The following MAGI2 variants were observed in gnomAD, a reference collection of about 807,000 sequenced individuals.
MAGI2 encodes membrane-associated guanylate kinase, WW and PDZ domain-containing protein 2.
A neutral mutation model predicts 133.3 loss-of-function variants in MAGI2; 35 were observed. The observed-to-expected ratio is 0.26, with a 90% confidence interval of 0.20 to 0.35. The LOEUF is 0.35. Ranked by LOEUF, MAGI2 falls within the 10% of genes least tolerant of loss-of-function variation. MAGI2 has a pLI of 1.00. For missense variants in MAGI2, 1,636 were observed against 1,863.4 expected (o/e 0.88, Z 2.25); for synonymous variants, 729 against 710.6 (o/e 1.03, Z -0.41).
At chr7:78,432,247 A>G (rs112163570) in intron 6 of MAGI2, among the ~76,000 whole-genome samples, 7,117 of 151,376 alleles carry the variant, frequency 0.047, 265 homozygotes, top group African/African-American at 0.1. Flanking sequence ...CTTTTTGCCA[A>G]AAACAATTTA....
At chr7:79,153,363 C>T (rs1450385731) in intron 1 of MAGI2, among the ~76,000 whole-genome samples, 1 of 152,126 alleles carries the variant, frequency 6.6e-6, no homozygotes, top group South Asian at 2.1e-4. Flanking sequence ...ATGGAGCGCA[C>T]AGTTAATCTA....
At chr7:78,815,012 G>C in intron 2 of MAGI2, among the ~76,000 whole-genome samples, 1 of 152,154 alleles carries the variant, frequency 6.6e-6, no homozygotes, top group East Asian at 1.9e-4. Context: ...ACAGGTGAGA[G>C]CCACCACACC....
chr7:78,521,138 A>T (rs561438928), intron 4 of MAGI2, among the ~76,000 whole-genome samples: 2 of 152,184 alleles, frequency 1.3e-5, no homozygotes, highest in East Asian at 3.9e-4. Context: ...TGCTACTAAT[A>T]TTATATAATT....
At chr7:79,392,285 T>A (rs1844713170) in intron 1 of MAGI2, among the ~76,000 whole-genome samples, 1 of 152,208 alleles carries the variant, frequency 6.6e-6, no homozygotes, top group African/African-American at 2.4e-5. Flanking sequence ...TGCTTCCATG[T>A]CTTTGCTATT....
chr7:79,075,623 C>CTA (rs1408447260), intron 1 of MAGI2, among the ~76,000 whole-genome samples: 2 of 151,900 alleles, frequency 1.3e-5, no homozygotes, highest in African/African-American at 2.4e-5. Context: ...ATTAGCCATG[C>CTA]ATGGTGGTGT....
chr7:78,284,153 A>G (rs2151020606), intron 9 of MAGI2, among the ~76,000 whole-genome samples: 1 of 152,266 alleles, frequency 6.6e-6, no homozygotes, highest in South Asian at 2.1e-4. Context: ...GTGTGACACC[A>G]CTTACCTACA....
chr7:78,573,373 T>A (rs1484542222), intron 3 of MAGI2, among the ~76,000 whole-genome samples: 1 of 13,098 alleles, frequency 7.6e-5, no homozygotes, highest in African/African-American at 2.1e-4. Context: ...GAAATATATA[T>A]ATATATATAT....
intron 4 of MAGI2, among the ~76,000 whole-genome samples, chr7:78,509,132 AT>A (rs11356651): frequency 0.089 from 13,295 of 149,198 alleles, 663 homozygotes; most frequent in East Asian, 0.21. Context: ...CAGAACAAGA[AT>A]TTTTTTTTTT....
At chr7:79,127,696 T>C (rs9801593) in intron 1 of MAGI2, among the ~76,000 whole-genome samples, 98,157 of 152,026 alleles carry the variant, frequency 0.65, 35,441 homozygotes, top group Non-Finnish European at 0.82. Context: ...ATTCTGGTTA[T>C]TAGCCCTTTG....
chr7:79,114,141 GCTGAGACTT>G (rs1241266330), intron 1 of MAGI2, among the ~76,000 whole-genome samples: 3 of 152,104 alleles, frequency 2.0e-5, no homozygotes, highest in African/African-American at 7.2e-5. Flanking sequence ...AATCAAGCCT[GCTGAGACTT>G]CTCCAGGTTA....
At chr7:79,097,372 A>AT (rs1417286918) in intron 1 of MAGI2, among the ~76,000 whole-genome samples, 2 of 152,266 alleles carry the variant, frequency 1.3e-5, no homozygotes, top group East Asian at 1.9e-4. Flanking sequence ...TTACTGTGCC[A>AT]TTTTTTGCTG....
At chr7:78,798,009 GTTTTATTA>G (rs369970533) in intron 2 of MAGI2, among the ~76,000 whole-genome samples, 5 of 152,204 alleles carry the variant, frequency 3.3e-5, no homozygotes, top group African/African-American at 1.2e-4. Flanking sequence ...CAAAGTGCTT[GTTTTATTA>G]TTTCTGTTCA....
intron 1 of MAGI2, among the ~76,000 whole-genome samples, chr7:79,322,247 G>T (rs1254674206): frequency 6.6e-6 from 1 of 152,116 alleles, no homozygotes; most frequent in African/African-American, 2.4e-5. Flanking sequence ...GAGATTACAA[G>T]AATCACATAA....
At chr7:78,516,348 T>TTTG (rs892267306) in intron 4 of MAGI2, among the ~76,000 whole-genome samples, 1 of 151,916 alleles carries the variant, frequency 6.6e-6, no homozygotes, top group Non-Finnish European at 1.5e-5. Context: ...ATGACCTGTT[T>TTTG]TTGTTGTTGT....
At chr7:79,235,123 G>T (rs566412899) in intron 1 of MAGI2, among the ~76,000 whole-genome samples, 37 of 151,972 alleles carry the variant, frequency 2.4e-4, no homozygotes, top group Non-Finnish European at 2.9e-4. Flanking sequence ...AGGGGTCAGG[G>T]ACCCACTTGA....
chr7:78,380,616 G>C (rs1001493388), intron 6 of MAGI2, among the ~76,000 whole-genome samples: 1 of 152,060 alleles, frequency 6.6e-6, no homozygotes, highest in African/African-American at 2.4e-5. Context: ...GCAGAGGAAG[G>C]GGGGATAGTT....
At chr7:79,280,363 T>A (rs1490603087) in intron 1 of MAGI2, among the ~76,000 whole-genome samples, 1 of 151,912 alleles carries the variant, frequency 6.6e-6, no homozygotes, top group Non-Finnish European at 1.5e-5. Flanking sequence ...AACCAGGTGG[T>A]AGGGTTGATA....
intron 2 of MAGI2, among the ~76,000 whole-genome samples, chr7:78,746,713 G>A (rs79524501): frequency 0.012 from 1,771 of 152,210 alleles, 43 homozygotes; most frequent in African/African-American, 0.041. Context: ...AAAGCACATT[G>A]TTCCAAAGTA....
intron 21 of MAGI2, among the ~76,000 whole-genome samples, chr7:78,073,364 T>C (rs995290145): frequency 4.6e-5 from 7 of 152,036 alleles, no homozygotes; most frequent in African/African-American, 9.7e-5. Flanking sequence ...GCCATTTTCA[T>C]TGTGAGATTT....
Sources: gnomAD v4.1 joint callset for allele counts (sites outside exome capture counted in the v4.1 genomes callset) on GRCh38, gnomAD v4.1.1 for gene constraint, MANE v1.5 for transcripts, NCBI Gene and HGNC (gene_info 2026-07-23, HGNC 2026-07-21) for gene names.